RFX8: variants seen among roughly 807,000 people sequenced by gnomAD.
RFX8 encodes regulatory factor X8.
In RFX8, 46 loss-of-function variants were observed where a neutral mutation model predicts 54.6. The observed-to-expected ratio is 0.84, with a 90% CI of 0.67 to 1.08. The LOEUF (loss-of-function observed/expected upper bound fraction) is 1.08, where lower values mean the gene tolerates loss of function less well. RFX8 is among the 50% of genes least tolerant of loss of function. The pLI, the probability that RFX8 is intolerant of heterozygous loss-of-function variation, is 0.00. For synonymous variants in RFX8, 192 were observed against 209.5 expected, an observed-to-expected ratio of 0.92 and a Z score of 0.72; for missense variants, 536 against 562.3, an observed-to-expected ratio of 0.95 and a Z score of 0.47.
rs951652874 is a variant in RFX8 at position 101,413,032 on chromosome 2, C to T, written c.601G>A (p.Val201Ile). The T allele has an allele frequency of 2.2e-5, 34 of 1,552,020 alleles. No homozygotes were observed. The highest frequency in any genetic ancestry group is 1.1e-4 in the South Asian group (9 of 84,060). The change falls in exon 8 of 12, where the codon GTT becomes ATT. Residue 201 changes from valine (V) to isoleucine (I), a missense_variant. Physicochemically the swap from Val to Ile is conservative, Grantham distance 29. Coordinates refer to ENST00000428343, the MANE Select transcript of RFX8 (RefSeq NM_001145664.2). ...MVLKSKRRVS[V>I]LKSDLQAIIN... Reference sequence around the variant, plus strand: ...ATGGCCTGTAGATCTGACTTCAAAACGCTGACACGCCTCTTACTTTTCAAT... The same window carrying T: ...ATGGCCTGTAGATCTGACTTCAAAATGCTGACACGCCTCTTACTTTTCAAT...
intron 6 of RFX8, among the ~76,000 whole-genome samples, chr2:101,416,290 G>A (rs1686507118): frequency 6.6e-6 from 1 of 152,160 alleles, no homozygotes. Flanking sequence ...TGTTAAAGGA[G>A]CACAGGAAAA....
intron 2 of RFX8, among the ~76,000 whole-genome samples, chr2:101,462,619 G>A (rs1421565347): frequency 6.6e-6 from 1 of 152,054 alleles, no homozygotes; most frequent in Non-Finnish European, 1.5e-5. Context: ...CTCTTTACAT[G>A]TGTTTTCTCA....
intron 7 of RFX8, 93 bp from the exon 8 acceptor site, chr2:101,413,164 G>A: frequency 3.0e-6 from 3 of 1,005,764 alleles, no homozygotes; most frequent in South Asian, 2.9e-5. Context: ...TTTGTTGTGG[G>A]GGAGAAAGAA....
intron 2 of RFX8, among the ~76,000 whole-genome samples, chr2:101,442,071 A>G (rs2148959772): frequency 6.6e-6 from 1 of 152,312 alleles, no homozygotes; most frequent in East Asian, 1.9e-4. Flanking sequence ...ATCTCTTGGT[A>G]TAGTTCTCAT....
intron 11 of RFX8, among the ~76,000 whole-genome samples, chr2:101,399,660 T>C (rs1685316679): frequency 6.6e-6 from 1 of 152,200 alleles, no homozygotes; most frequent in African/African-American, 2.4e-5. Flanking sequence ...TACTACATTC[T>C]AGGAAATAGT....
chr2:101,399,834 G>GGT (rs1359024954), intron 11 of RFX8, among the ~76,000 whole-genome samples: 21 of 152,174 alleles, frequency 1.4e-4, no homozygotes, highest in African/African-American at 4.8e-4. Flanking sequence ...GCCCTTATCA[G>GGT]ATTTGAAGGT....
At chr2:101,421,422 A>G in intron 4 of RFX8, 1 of 1,072,794 alleles carries the variant, frequency 9.3e-7, no homozygotes, top group Non-Finnish European at 1.1e-6. Context: ...TTTTATTACC[A>G]ACACTTTATT....
In RFX8 at chr2:101,417,539, A is replaced by C; in HGVS notation, c.497T>G (p.Leu166Arg). Residue 166 changes from leucine (L) to arginine (R), a missense_variant, in exon 6 of 12, where the codon CTC becomes CGC. Physicochemically the swap from Leu to Arg is moderately radical, Grantham distance 102. Transcript: ENST00000428343. ...TTTTTTTCATCGAAACCTACCTTTGAGTTTGGAGATCTGCAAGAGGGCTGG... is the reference window on the plus strand; with the variant it reads ...TTTTTTTCATCGAAACCTACCTTTGCGTTTGGAGATCTGCAAGAGGGCTGG... Reference protein sequence around the residue: ...GVPALLQISKLKEVTLFVKRL... With the variant: ...GVPALLQISKRKEVTLFVKRL... The C allele has an allele frequency of 6.5e-7, 1 of 1,547,292 alleles. No homozygotes were observed. The highest frequency in any genetic ancestry group is 2.4e-5 in the East Asian group (1 of 40,826).
At chr2:101,397,855 C>T (rs1685213738) in intron 11 of RFX8, 131 bp from the exon 12 acceptor site, 1 of 688,324 alleles carries the variant, frequency 1.5e-6, no homozygotes, top group Non-Finnish European at 2.3e-6. Context: ...GAAGTTCATG[C>T]ATTTATTCCT....
In RFX8 at chr2:101,403,924, T is replaced by C. The variant is rs190410866; in HGVS notation, c.929-1172A>G. Among the ~76,000 whole-genome samples, 8 of 152,346 alleles carry C rather than the reference T, an allele frequency of 5.3e-5. No individual in the cohort carries two copies. The East Asian group carries it at 1.5e-3, about 29-fold the overall frequency. On this transcript the variant is annotated intron_variant, in intron 10 of 11. Coordinates refer to ENST00000428343, the MANE Select transcript of RFX8 (RefSeq NM_001145664.2). ...AATTCAAAGTACTAACTATATACTATAGACAGAAAATAATGCTGACAGTGA... is the reference window on the plus strand; with the variant it reads ...AATTCAAAGTACTAACTATATACTACAGACAGAAAATAATGCTGACAGTGA...
At chr2:101,444,636 T>C (rs1391688862) in intron 2 of RFX8, among the ~76,000 whole-genome samples, 1 of 151,830 alleles carries the variant, frequency 6.6e-6, no homozygotes, top group Non-Finnish European at 1.5e-5. Flanking sequence ...TTGAAACAAA[T>C]GAAAAAATTG....
rs769267850 is a variant in RFX8 at position 101,400,198 on chromosome 2, C to T, written c.1245+2238G>A. ...CCTGGTTACCTTGCTGACTAGGAAG[C>T]ATGTGTATATAATTTGACTAACATT... On this transcript the variant is annotated intron_variant, in intron 11 of 11. Coordinates refer to ENST00000428343, the MANE Select transcript of RFX8 (RefSeq NM_001145664.2). Among the ~76,000 whole-genome samples, 65 of 152,324 alleles carry T rather than the reference C, an allele frequency of 4.3e-4. 1 individual carries two copies. The highest frequency in any genetic ancestry group is 1.0e-3 in the South Asian group (5 of 4,828).
chr2:101,411,000 C>A (rs947537585), intron 8 of RFX8, among the ~76,000 whole-genome samples: 1 of 152,240 alleles, frequency 6.6e-6, no homozygotes, highest in Admixed American at 6.5e-5. Flanking sequence ...ATTATCCAGA[C>A]CTTGTCTTCA....
intron 1 of RFX8, among the ~76,000 whole-genome samples, chr2:101,470,740 G>A (rs1397584871): frequency 6.4e-5 from 6 of 93,736 alleles, no homozygotes; most frequent in Non-Finnish European, 1.2e-4. Context: ...TTTTTTTTGA[G>A]ATGGAGTCTC....
intron 9 of RFX8, among the ~76,000 whole-genome samples, chr2:101,410,333 C>G (rs1202631900): frequency 6.6e-6 from 1 of 151,668 alleles, no homozygotes; most frequent in African/African-American, 2.4e-5. Flanking sequence ...GACACACATG[C>G]TCATCACAGG....
At chr2:101,423,688 C>T (rs1405226737) in intron 2 of RFX8, among the ~76,000 whole-genome samples, 1 of 152,134 alleles carries the variant, frequency 6.6e-6, no homozygotes, top group Non-Finnish European at 1.5e-5. Flanking sequence ...TATAGAATTG[C>T]TTATGTGGGT....
At chr2:101,448,726 G>A (rs1463159224) in intron 2 of RFX8, among the ~76,000 whole-genome samples, 1 of 152,076 alleles carries the variant, frequency 6.6e-6, no homozygotes, top group Non-Finnish European at 1.5e-5. Context: ...CTCATACATA[G>A]GATGCTTTAT....
rs1185520122 is a variant in RFX8, at chr2:101,406,023, GC to G, written c.847del (p.Ala283ProfsTer6). ...ATTCCATCTCAGCTGGAAGCTGGCG[GC>G]CAATTTGGTAAACTCTTCTTTGCTT... ...SRSKEEFTKLAASFQLRWNLL... is the reference protein window; with the variant it reads ...SRSKEEFTKLXASFQLRWNLL... On this transcript the variant is annotated frameshift_variant, in exon 10 of 12. Coordinates refer to ENST00000428343, the MANE Select transcript of RFX8 (RefSeq NM_001145664.2). LOFTEE classifies it high-confidence loss of function. 3 of 1,547,586 alleles carry G rather than the reference GC, an allele frequency of 1.9e-6. No homozygotes were observed. Among genetic ancestry groups the G allele is most frequent in the Non-Finnish European group, 2.6e-6 (3 of 1,145,218 alleles).
At chr2:101,455,830 G>A (rs1688934936) in intron 2 of RFX8, among the ~76,000 whole-genome samples, 1 of 152,174 alleles carries the variant, frequency 6.6e-6, no homozygotes, top group Non-Finnish European at 1.5e-5. Flanking sequence ...TCACGATATT[G>A]ATTCTTCCTA....
Sources: allele counts gnomAD v4.1 joint callset (sites outside exome capture counted in the v4.1 genomes callset), GRCh38; gene constraint gnomAD v4.1.1; transcripts MANE v1.5; gene names NCBI Gene and HGNC (gene_info 2026-07-23, HGNC 2026-07-21).